TMOD1: variants seen among roughly 807,000 people sequenced by gnomAD.
TMOD1 encodes the protein tropomodulin 1.
Under a neutral mutation model 40.6 loss-of-function variants are expected in TMOD1, and 17 were observed. The observed-to-expected ratio is 0.42, with a 90% CI of 0.29 to 0.63. The LOEUF (loss-of-function observed/expected upper bound fraction) is 0.63, where lower values mean the gene tolerates loss of function less well. Ranked by LOEUF, TMOD1 falls within the 20% of genes least tolerant of loss-of-function variation. TMOD1 has a pLI of 0.22. For synonymous variants in TMOD1, 181 were observed against 175.0 expected, an observed-to-expected ratio of 1.03 and a Z score of -0.27; for missense variants, 391 against 447.6, an observed-to-expected ratio of 0.87 and a Z score of 1.14.
At position 97,502,579 on chromosome 9, in the gene TMOD1, C is replaced by T. The variant is rs1051566368; in HGVS notation, c.-49+776C>T. ...AGCCCTGAGAGCTGCAGGGCGCGCT[C>T]TTGGCCGCCTGCGCTCCCCACACCT... On this transcript the variant is annotated intron_variant, in intron 1 of 9. Coordinates refer to ENST00000259365, the MANE Select transcript of TMOD1 (RefSeq NM_003275.4). This position sits in a 1 kb window ranked among gnomAD's most constrained non-coding sequence, Gnocchi z 6.1. Among the ~76,000 whole-genome samples the T allele has an allele frequency of 6.6e-6, 1 of 152,296 alleles. No individual in the cohort carries two copies. The highest frequency in any genetic ancestry group is 1.9e-4 in the East Asian group (1 of 5,154).
intron 9 of TMOD1, 122 bp downstream of exon 9, chr9:97,591,557 T>C (rs888021000): frequency 7.4e-6 from 9 of 1,217,424 alleles, no homozygotes; most frequent in East Asian, 2.3e-5. Context: ...GATTTTCACA[T>C]TGATCGCGTC....
At chr9:97,539,646 C>A (rs1830244103) in intron 2 of TMOD1, among the ~76,000 whole-genome samples, 1 of 152,132 alleles carries the variant, frequency 6.6e-6, no homozygotes, top group African/African-American at 2.4e-5. Flanking sequence ...AGATACCATT[C>A]ACATAGCATA....
chr9:97,573,897 C>A (rs1328324286), intron 8 of TMOD1, among the ~76,000 whole-genome samples: 2 of 152,204 alleles, frequency 1.3e-5, no homozygotes, highest in East Asian at 3.8e-4. Flanking sequence ...AAAGCACAAC[C>A]CACACTCAAG....
chr9:97,566,083 G>T, intron 7 of TMOD1, 128 bp downstream of exon 7: 1 of 732,744 alleles, frequency 1.4e-6, no homozygotes, highest in Non-Finnish European at 2.2e-6. Flanking sequence ...GAAGGCATTG[G>T]ACCAGGAGCC....
intron 4 of TMOD1, among the ~76,000 whole-genome samples, chr9:97,554,734 C>T (rs751545879): frequency 6.6e-5 from 10 of 151,926 alleles, no homozygotes; most frequent in East Asian, 5.8e-4. Context: ...GAGGCCACGG[C>T]GGAGGTGGGA....
At chr9:97,530,312 C>G (rs1005484712) in intron 2 of TMOD1, among the ~76,000 whole-genome samples, 1 of 152,028 alleles carries the variant, frequency 6.6e-6, no homozygotes, top group African/African-American at 2.4e-5. Context: ...TCAAAATATT[C>G]GCAGGAGAGA....
chr9:97,544,817 G>C (rs765283100), intron 2 of TMOD1, among the ~76,000 whole-genome samples: 1 of 151,906 alleles, frequency 6.6e-6, no homozygotes, highest in Non-Finnish European at 1.5e-5. Flanking sequence ...AGATCAGCCT[G>C]GCCAATATGG....
intron 6 of TMOD1, among the ~76,000 whole-genome samples, chr9:97,564,654 A>G (rs1025447453): frequency 2.6e-5 from 4 of 152,298 alleles, no homozygotes; most frequent in South Asian, 2.1e-4. Flanking sequence ...CACAGAAGGG[A>G]GCTGTTGGCC....
intron 9 of TMOD1, among the ~76,000 whole-genome samples, chr9:97,597,807 C>CA (rs2131297877): frequency 6.6e-6 from 1 of 152,086 alleles, no homozygotes; most frequent in African/African-American, 2.4e-5. Context: ...ATAACCCCCC[C>CA]ACCAAGCCAT....
chr9:97,601,594 G>T lies in TMOD1; in HGVS notation c.*1896G>T. 1 of 987,176 alleles carries T rather than the reference G, an allele frequency of 1.0e-6. No homozygotes were observed. Among genetic ancestry groups the T allele is most frequent in the Non-Finnish European group, 1.2e-6 (1 of 831,216 alleles). The allele number at this position is 987,176 out of a possible 1,614,324, so 61.2% of individuals were successfully genotyped here. A position where few individuals can be genotyped will look rare whatever the true frequency, so the allele number is the denominator to read the frequency against. On this transcript the variant is annotated 3_prime_UTR_variant, in exon 10 of 10. Transcript: ENST00000259365. The stretch of plus-strand genomic sequence containing the variant: ...GATGAGCTGCTGGTCTAGATCAGGG[G>T]CTGGCAAACTTTTCTGTAAAAGGCC...
chr9:97,580,249 A>G (rs1032087334), intron 8 of TMOD1, among the ~76,000 whole-genome samples: 3 of 152,184 alleles, frequency 2.0e-5, no homozygotes, highest in Non-Finnish European at 4.4e-5. Context: ...TCTGGTTTTT[A>G]AATTATTATT....
chr9:97,554,381 A>G (rs1161053877), intron 4 of TMOD1, among the ~76,000 whole-genome samples: 2 of 151,966 alleles, frequency 1.3e-5, no homozygotes, highest in East Asian at 1.9e-4. Flanking sequence ...TCAGTTTACA[A>G]CCTGTGGCAC....
intron 4 of TMOD1, among the ~76,000 whole-genome samples, chr9:97,560,413 G>A (rs191089564): frequency 2.9e-4 from 44 of 152,150 alleles, no homozygotes; most frequent in African/African-American, 1.1e-3. Flanking sequence ...ATAAAATACA[G>A]TATGATCAAT....
intron 2 of TMOD1, among the ~76,000 whole-genome samples, chr9:97,524,795 C>T (rs10982511): frequency 0.035 from 5,345 of 152,128 alleles, 326 homozygotes; most frequent in African/African-American, 0.12. Context: ...GAAATTTCCG[C>T]TTACTTGGAG....
chr9:97,525,510 A>G (rs1042996178), intron 2 of TMOD1, among the ~76,000 whole-genome samples: 8 of 152,166 alleles, frequency 5.3e-5, no homozygotes, highest in Non-Finnish European at 1.0e-4. Context: ...TTTAGCAAGC[A>G]CCTCAGCTGG....
intron 2 of TMOD1, among the ~76,000 whole-genome samples, chr9:97,538,724 C>T (rs545579012): frequency 5.9e-5 from 9 of 152,018 alleles, no homozygotes; most frequent in South Asian, 4.2e-4. Context: ...AGGCCAGGTG[C>T]GGTGGCTCAT....
intron 6 of TMOD1, among the ~76,000 whole-genome samples, chr9:97,564,779 C>T (rs1336573702): frequency 6.6e-6 from 1 of 151,920 alleles, no homozygotes; most frequent in African/African-American, 2.4e-5. Context: ...CTGAACAGGC[C>T]GCCGCAGGAA....
At chr9:97,581,880 T>C (rs1440970257) in intron 8 of TMOD1, among the ~76,000 whole-genome samples, 2 of 150,828 alleles carry the variant, frequency 1.3e-5, no homozygotes. Flanking sequence ...GAGTTCATTG[T>C]AGATTCTGGA....
chr9:97,585,305 T>G (rs1794811486), intron 8 of TMOD1, among the ~76,000 whole-genome samples: 1 of 149,800 alleles, frequency 6.7e-6, no homozygotes, highest in African/African-American at 2.4e-5. Context: ...TTGAAAATTC[T>G]TTTCTTTAAG....
Sources: allele counts gnomAD v4.1 joint callset (sites outside exome capture counted in the v4.1 genomes callset), GRCh38; gene constraint gnomAD v4.1.1; non-coding constraint Gnocchi (gnomAD v3.1); transcripts MANE v1.5; gene names NCBI Gene and HGNC (gene_info 2026-07-23, HGNC 2026-07-21).